The following PAQR5 variants were observed in gnomAD, a reference collection of about 807,000 sequenced individuals.
The protein encoded by PAQR5 is progestin and adipoQ receptor family member 5, also known as membrane progestin receptor gamma.
In PAQR5, 20 loss-of-function variants were observed where a neutral mutation model predicts 34.5. That is an observed-to-expected ratio of 0.58 (90% confidence interval 0.41 to 0.84). PAQR5 has a LOEUF of 0.84. Among genes scored for constraint, PAQR5 ranks in the 40% least tolerant of loss-of-function variants. PAQR5 has a pLI of 0.00. For missense variants in PAQR5, 378 were observed against 412.7 expected, an observed-to-expected ratio of 0.92 and a Z score of 0.73; for synonymous variants, 131 against 155.6, an observed-to-expected ratio of 0.84 and a Z score of 1.18.
chr15:69,386,210 A>T (rs182446411), intron 5 of PAQR5, among the ~76,000 whole-genome samples: 1 of 150,852 alleles, frequency 6.6e-6, no homozygotes, highest in African/African-American at 2.4e-5. Context: ...ACACACATTC[A>T]CACACTCACA....
chr15:69,402,197 G>C (rs868045709), intron 8 of PAQR5, among the ~76,000 whole-genome samples: 1 of 152,314 alleles, frequency 6.6e-6, no homozygotes, highest in African/African-American at 2.4e-5. Flanking sequence ...AGATCAAAGC[G>C]TTGGCAAGTA....
At chr15:69,324,547 G>A (rs1236142804) in intron 1 of PAQR5, among the ~76,000 whole-genome samples, 1 of 152,168 alleles carries the variant, frequency 6.6e-6, no homozygotes, top group Non-Finnish European at 1.5e-5. Context: ...TTGAAATTAG[G>A]CTGCATTCAC....
At chr15:69,330,472 G>T (rs1033201207) in intron 1 of PAQR5, among the ~76,000 whole-genome samples, 2 of 152,154 alleles carry the variant, frequency 1.3e-5, no homozygotes, top group East Asian at 1.9e-4. Flanking sequence ...ACAAGATTCT[G>T]ACCCTCCCTA....
chr15:69,303,039 C>G (rs1301102072), intron 1 of PAQR5, among the ~76,000 whole-genome samples: 1 of 152,200 alleles, frequency 6.6e-6, no homozygotes, highest in Non-Finnish European at 1.5e-5. Context: ...AGAATAGCAG[C>G]TCTGTGAGGG....
chr15:69,329,445 T>A (rs563683374), intron 1 of PAQR5, among the ~76,000 whole-genome samples: 1 of 149,700 alleles, frequency 6.7e-6, no homozygotes, highest in East Asian at 2.0e-4. Context: ...ATATTTTACC[T>A]AAATTTATTT....
chr15:69,316,822 A>G (rs1012088471), intron 1 of PAQR5, among the ~76,000 whole-genome samples: 41 of 151,894 alleles, frequency 2.7e-4, no homozygotes, highest in African/African-American at 9.2e-4. Flanking sequence ...TAAGGGGTTT[A>G]TTTATTTATT....
At chr15:69,333,113 C>G (rs1045981966) in intron 1 of PAQR5, among the ~76,000 whole-genome samples, 5 of 151,916 alleles carry the variant, frequency 3.3e-5, no homozygotes, top group Non-Finnish European at 5.9e-5. Context: ...TCTCAGTTGA[C>G]TGAATTATTT....
rs577288643 is a variant in PAQR5, at chr15:69,315,669, G to A, written c.-277+16613G>A. The stretch of plus-strand genomic sequence containing the variant: ...TTCCACCTCACATACCCAGGGACAC[G>A]AGTTTGGGAGAGGTGTCTAAACTAC... On this transcript the variant is annotated intron_variant, in intron 1 of 8. Coordinates refer to ENST00000395407, the MANE Select transcript of PAQR5 (RefSeq NM_017705.4). Among the ~76,000 whole-genome samples, 3 of 152,320 alleles carry A rather than the reference G, an allele frequency of 2.0e-5. No homozygotes were observed. The East Asian group carries it at 5.8e-4, about 29-fold the overall frequency.
At chr15:69,400,686 G>A (rs1263545815) in intron 8 of PAQR5, among the ~76,000 whole-genome samples, 8 of 152,116 alleles carry the variant, frequency 5.3e-5, no homozygotes, top group Non-Finnish European at 1.2e-4. Context: ...AAGAGAAAAA[G>A]TACATTGGGA....
At chr15:69,349,862 G>T (rs1387116638) in intron 2 of PAQR5, among the ~76,000 whole-genome samples, 4 of 152,006 alleles carry the variant, frequency 2.6e-5, no homozygotes, top group African/African-American at 9.6e-5. Context: ...GGCTGGTCTC[G>T]AACTCCTGAC....
intron 1 of PAQR5, among the ~76,000 whole-genome samples, chr15:69,319,383 TGTGA>T (rs1038791501): frequency 4.6e-5 from 7 of 151,004 alleles, no homozygotes; most frequent in African/African-American, 9.8e-5. Flanking sequence ...TGCTTTTGGT[TGTGA>T]GTGTCTTGTC....
chr15:69,361,046 G>A (rs1266678272), intron 3 of PAQR5, among the ~76,000 whole-genome samples: 1 of 152,204 alleles, frequency 6.6e-6, no homozygotes, highest in Non-Finnish European at 1.5e-5. Context: ...GTGGTGCAGA[G>A]CTGTTTGGTG....
At position 69,400,120 on chromosome 15, in the gene PAQR5, G is replaced by A. The variant is rs748647406; in HGVS notation, c.751+5G>A. The A allele has an allele frequency of 1.0e-4, 167 of 1,610,916 alleles. No individual in the cohort carries two copies. Among genetic ancestry groups the A allele is most frequent in the Non-Finnish European group, 1.3e-4 (152 of 1,178,474 alleles). ...CTGGACGCTTTGACTACATCGGTGA[G>A]TGGGCAACAGCCCTGCTGCTCTGCT... On this transcript the variant is annotated splice_donor_5th_base_variant and intron_variant, in intron 8 of 8. Transcript: ENST00000395407.
chr15:69,324,047 T>G (rs746497064), intron 1 of PAQR5, among the ~76,000 whole-genome samples: 3 of 151,060 alleles, frequency 2.0e-5, no homozygotes, highest in Admixed American at 6.6e-5. Flanking sequence ...CTCTGCAATG[T>G]GCTAGGGAAT....
chr15:69,379,834 G>T (rs1456938859), intron 3 of PAQR5, 49 bp from the exon 4 acceptor site: 2 of 1,594,202 alleles, frequency 1.3e-6, no homozygotes, highest in Non-Finnish European at 1.7e-6. Flanking sequence ...AGAGACCTTC[G>T]TGCCACCCTC....
chr15:69,385,935 A>G lies in PAQR5; in HGVS notation c.385+1053A>G, dbSNP rs1354465200. Among the ~76,000 whole-genome samples the G allele has an allele frequency of 6.6e-6, 1 of 151,124 alleles. No homozygotes were observed. Among genetic ancestry groups the G allele is most frequent in the African/African-American group, 2.4e-5 (1 of 41,044 alleles). On this transcript the variant is annotated intron_variant, in intron 5 of 8. Coordinates refer to ENST00000395407, the MANE Select transcript of PAQR5 (RefSeq NM_017705.4). This position sits in a 1 kb window ranked among gnomAD's most constrained non-coding sequence, Gnocchi z 4.7. ...ACTCACATACACACACTCACACCACATACACACAATACACTCACATGCACA... is the reference window on the plus strand; with the variant it reads ...ACTCACATACACACACTCACACCACGTACACACAATACACTCACATGCACA...
chr15:69,346,212 C>G (rs1030062323), intron 2 of PAQR5, among the ~76,000 whole-genome samples: 15 of 151,104 alleles, frequency 9.9e-5, no homozygotes, highest in Admixed American at 9.2e-4. Flanking sequence ...TCATTTTATG[C>G]TCAATCATAA....
At chr15:69,344,307 G>C (rs775909637) in intron 2 of PAQR5, among the ~76,000 whole-genome samples, 2 of 152,122 alleles carry the variant, frequency 1.3e-5, no homozygotes, top group Non-Finnish European at 2.9e-5. Context: ...GCCTCTTTGG[G>C]GTATACCATA....
chr15:69,351,676 T>C (rs1450225696), intron 2 of PAQR5, among the ~76,000 whole-genome samples: 2 of 152,234 alleles, frequency 1.3e-5, no homozygotes, highest in Non-Finnish European at 2.9e-5. Flanking sequence ...GATGGTGTTA[T>C]GCTGATTGGA....
Sources: gnomAD v4.1 joint callset for allele counts (sites outside exome capture counted in the v4.1 genomes callset) on GRCh38, gnomAD v4.1.1 for gene constraint, Gnocchi (gnomAD v3.1) non-coding constraint, MANE v1.5 for transcripts, NCBI Gene and HGNC (gene_info 2026-07-23, HGNC 2026-07-21) for gene names.